POLR2F: variants seen among roughly 807,000 people sequenced by gnomAD.
POLR2F encodes the protein RNA polymerase II, I and III subunit F, also known as DNA-directed RNA polymerases I, II, and III subunit RPABC2.
POLR2F carries 12 observed loss-of-function variants against 22.7 expected under a neutral mutation model. The observed-to-expected ratio is 0.53, with a 90% CI of 0.34 to 0.86. The LOEUF (loss-of-function observed/expected upper bound fraction) is 0.86, where lower values mean the gene tolerates loss of function less well. Ranked by LOEUF, POLR2F falls within the 40% of genes least tolerant of loss-of-function variation. The probability of loss-of-function intolerance (pLI) is 0.02; values close to 1 mark genes in which losing one functional copy is unlikely to be tolerated. For missense variants in POLR2F, 126 were observed against 171.5 expected (o/e 0.73, Z 1.48); for synonymous variants, 57 against 66.0 (o/e 0.86, Z 0.66).
chr22:37,974,118 C>T (rs367743809), downstream of POLR2F: 24 of 1,612,820 alleles, frequency 1.5e-5, no homozygotes, highest in Middle Eastern at 1.6e-4. The surrounding 1 kb of genome is among the most constrained non-coding windows in gnomAD (Gnocchi z 5.4). Context: ...ATGGAGCGCC[C>T]GTCCCGCTTC....
At chr22:38,030,321 C>G (rs915685261), downstream of POLR2F, among the ~76,000 whole-genome samples, 2 of 152,140 alleles carry the variant, frequency 1.3e-5, no homozygotes, top group African/African-American at 4.8e-5. Context: ...GCTTCACAAC[C>G]AGCTCTGTTT....
intron 1 of POLR2F, chr22:37,987,212 G>A (rs1932607866): frequency 2.2e-6 from 1 of 456,098 alleles, no homozygotes; most frequent in Admixed American, 2.3e-5. Flanking sequence ...GGAAATCCAG[G>A]CTTCCTTCCA....
At chr22:37,962,652 C>T (rs895017600) in intron 3 of POLR2F, among the ~76,000 whole-genome samples, 2 of 152,176 alleles carry the variant, frequency 1.3e-5, no homozygotes, top group Non-Finnish European at 2.9e-5. Flanking sequence ...AATTCAGTTT[C>T]TTTCTCACTA....
Position 37,968,799 on chromosome 22 carries a change from C to T in POLR2F, c.*1084C>T, listed in dbSNP as rs1931956644. 1.0e-6 allele frequency: 1 copy of T among 985,524 alleles called. No homozygotes were observed. The highest frequency in any genetic ancestry group is 1.2e-6 in the Non-Finnish European group (1 of 830,014). The allele number at this position is 985,524 out of a possible 1,614,324, so 61.0% of individuals were successfully genotyped here. ...CTAACCTCTGCAGGAGGCAGGGCCT[C>T]CAGGCCTAGGTGCAGCCTGGCCCTG... On this transcript the variant is annotated 3_prime_UTR_variant, in exon 5 of 5. Transcript: ENST00000442738.
At chr22:37,979,834 G>C (rs1250467248) in intron 4 of POLR2F, among the ~76,000 whole-genome samples, 1 of 152,066 alleles carries the variant, frequency 6.6e-6, no homozygotes, top group Non-Finnish European at 1.5e-5. Context: ...CCTTGGTACT[G>C]AGAATCCATG....
Position 38,025,218 on chromosome 22 carries a change from G to A in POLR2F, c.121-651G>A, listed in dbSNP as rs2084995699. 2.0e-5 allele frequency among the ~76,000 whole-genome samples: 3 copies of A among 151,934 alleles called. No homozygotes were observed. The South Asian group carries it at 6.2e-4, about 32-fold the overall frequency. The stretch of plus-strand genomic sequence containing the variant: ...TGTTCCCAAATATGGTCCCTTCACG[G>A]TGACACATGTGCACTCACTTGCTCA... On this transcript the variant is annotated intron_variant, in intron 1 of 2. Transcript: ENST00000333418.
chr22:38,041,330 T>C (rs1167337415), downstream of POLR2F: 6 of 592,172 alleles, frequency 1.0e-5, no homozygotes, highest in East Asian at 1.7e-4. Context: ...TTCCATCTCC[T>C]GAGTGAGGGA....
chr22:37,998,891 G>A (rs983215260), intron 1 of POLR2F, among the ~76,000 whole-genome samples: 17 of 152,044 alleles, frequency 1.1e-4, no homozygotes, highest in Non-Finnish European at 1.0e-4. Context: ...AGACGGAGAT[G>A]TCAAAGGCAG....
upstream of POLR2F, chr22:37,953,673 TC>T (rs1931218128): frequency 2.7e-5 from 36 of 1,316,246 alleles, no homozygotes; most frequent in Non-Finnish European, 3.7e-5. Context: ...AGTGATTTCC[TC>T]TGGGTTACGG....
At chr22:38,003,182 G>A (rs1454326673) in intron 1 of POLR2F, among the ~76,000 whole-genome samples, 1 of 152,096 alleles carries the variant, frequency 6.6e-6, no homozygotes. Context: ...ACTCTAGAAA[G>A]TTTGGTAGAG....
At chr22:38,033,954 G>A (rs937940638) in intron 5 of POLR2F, among the ~76,000 whole-genome samples, 1 of 152,116 alleles carries the variant, frequency 6.6e-6, no homozygotes, top group African/African-American at 2.4e-5. Context: ...TTTGATTCTG[G>A]GAGTCAAGAG....
chr22:38,028,073 C>CCCT (rs2085030758), downstream of POLR2F, among the ~76,000 whole-genome samples: 1 of 152,276 alleles, frequency 6.6e-6, no homozygotes, highest in South Asian at 2.1e-4. Context: ...CACCGAAAGT[C>CCCT]CCTGCTCCCT....
At chr22:38,030,603 ACT>A (rs1158377520), downstream of POLR2F, among the ~76,000 whole-genome samples, 1 of 151,966 alleles carries the variant, frequency 6.6e-6, no homozygotes, top group Non-Finnish European at 1.5e-5. Flanking sequence ...ATAGAAAAGT[ACT>A]CTGTGGTTTG....
At chr22:37,970,607 A>AT (rs953620519), downstream of POLR2F, 10 of 148,834 alleles carry the variant, frequency 6.7e-5, no homozygotes, top group African/African-American at 2.5e-4. Flanking sequence ...CTCCATCTAA[A>AT]AAAAAAAAAA....
At position 37,978,126 on chromosome 22, in the gene POLR2F, G is replaced by A. The variant is rs766407815; in HGVS notation, c.293+10956G>A. 1.1e-5 allele frequency: 17 copies of A among 1,568,902 alleles called. No individual in the cohort carries two copies. The highest frequency in any genetic ancestry group is 6.9e-5 in the South Asian group (6 of 86,810). On this transcript the variant is annotated intron_variant, in intron 4 of 4. Transcript: ENST00000405557. This position sits in a 1 kb window ranked among gnomAD's most constrained non-coding sequence, Gnocchi z 5.0. The stretch of plus-strand genomic sequence containing the variant: ...CGATGAAGGGGCGCTTGTCACTTTC[G>A]TTCAGCAGCCTGGGGTGTGGTGGGA...
chr22:37,967,654 G>A lies in POLR2F; in HGVS notation c.323G>A (p.Arg108His), dbSNP rs1931910155. ...KARKIPIIIR[R>H]YLPDGSYEDW... ...CGAAAGATCCCCATCATCATTCGCC[G>A]TTACCTGCCAGATGGGAGCTATGAA... is the stretch of plus-strand genomic sequence containing the variant. The change falls in exon 5 of 5, where the codon CGT becomes CAT. Residue 108 changes from arginine (R) to histidine (H), a missense_variant. Coordinates refer to ENST00000442738, the MANE Select transcript of POLR2F (RefSeq NM_021974.5). 3 of 1,613,906 alleles carry A rather than the reference G, an allele frequency of 1.9e-6. No individual in the cohort carries two copies. Among genetic ancestry groups the A allele is most frequent in the East Asian group, 2.2e-5 (1 of 44,864 alleles).
downstream of POLR2F, among the ~76,000 whole-genome samples, chr22:38,029,456 G>A (rs2085045615): frequency 6.6e-6 from 1 of 152,162 alleles, no homozygotes; most frequent in South Asian, 2.1e-4. Context: ...AGACAGATAA[G>A]CACTACCCTG....
At chr22:37,996,903 G>C (rs2084719796) in intron 1 of POLR2F, among the ~76,000 whole-genome samples, 1 of 152,168 alleles carries the variant, frequency 6.6e-6, no homozygotes, top group African/African-American at 2.4e-5. Flanking sequence ...GACGCACCTG[G>C]TGGAGGCACT....
downstream of POLR2F, chr22:37,972,197 T>A (rs1335232664): frequency 7.9e-7 from 1 of 1,259,442 alleles, no homozygotes; most frequent in African/African-American, 1.5e-5. Context: ...GAGAGAGACC[T>A]TTGATGATCT....
Sources: gnomAD v4.1 joint callset for allele counts (sites outside exome capture counted in the v4.1 genomes callset) on GRCh38, gnomAD v4.1.1 for gene constraint, Gnocchi (gnomAD v3.1) non-coding constraint, MANE v1.5 for transcripts, NCBI Gene and HGNC (gene_info 2026-07-23, HGNC 2026-07-21) for gene names.